Variants in BTG4 observed in about 807,000 individuals in gnomAD.
BTG4 encodes BTG anti-proliferation factor 4.
BTG4 carries 10 observed loss-of-function variants against 19.3 expected under a neutral mutation model. The ratio of observed to expected loss-of-function variants is 0.52; its 90% CI spans 0.32 to 0.88. BTG4 has a LOEUF of 0.88. Among genes scored for constraint, BTG4 ranks in the 40% least tolerant of loss-of-function variants. The pLI is 0.04. For missense variants in BTG4, 238 were observed against 281.9 expected (o/e 0.84, Z 1.11); for synonymous variants, 91 against 95.7 (o/e 0.95, Z 0.29).
chr11:111,499,473 C>T (rs1865936640), intron 1 of BTG4, among the ~76,000 whole-genome samples: 1 of 152,172 alleles, frequency 6.6e-6, no homozygotes, highest in Non-Finnish European at 1.5e-5. Context: ...TGCTCCTTGG[C>T]ATAAGTGGAG....
At chr11:111,441,780 C>T in the BTG4 span, among the ~76,000 whole-genome samples, 2,191 of 152,264 alleles carry the variant, frequency 0.014, 41 homozygotes, top group African/African-American at 0.043. Flanking sequence ...CGAGTTGGGC[C>T]GGGCATGGTG....
At chr11:111,433,508 A>G in the BTG4 span, among the ~76,000 whole-genome samples, 1 of 152,228 alleles carries the variant, frequency 6.6e-6, no homozygotes, top group Admixed American at 6.5e-5. Context: ...AGACTTCATG[A>G]CTAAAACACC....
downstream of BTG4, chr11:111,464,537 A>T (rs1294370042): frequency 6.6e-6 from 1 of 152,188 alleles, no homozygotes; most frequent in Non-Finnish European, 1.5e-5. Context: ...TAACTATTTT[A>T]TTCCCCTCTG....
chr11:111,482,511 A>G (rs899143219), intron 5 of BTG4, among the ~76,000 whole-genome samples: 15 of 152,308 alleles, frequency 9.8e-5, no homozygotes, highest in African/African-American at 3.1e-4. Flanking sequence ...TAATTTTTAG[A>G]AAGAATAAAG....
intron 1 of BTG4, among the ~76,000 whole-genome samples, chr11:111,500,009 G>A (rs1865969891): frequency 6.6e-6 from 1 of 152,032 alleles, no homozygotes; most frequent in African/African-American, 2.4e-5. Flanking sequence ...AGGCATGGTG[G>A]CATGTACCTG....
intron 5 of BTG4, among the ~76,000 whole-genome samples, chr11:111,478,489 A>T (rs1345358104): frequency 6.6e-6 from 1 of 152,178 alleles, no homozygotes; most frequent in East Asian, 1.9e-4. Context: ...AGAAAGATAA[A>T]CAAAGAGTGA....
the BTG4 span, among the ~76,000 whole-genome samples, chr11:111,437,749 C>A: frequency 6.6e-6 from 1 of 152,224 alleles, no homozygotes; most frequent in East Asian, 1.9e-4. Context: ...AGGCGACACT[C>A]TGCAGTTTCC....
intron 5 of BTG4, among the ~76,000 whole-genome samples, chr11:111,476,714 A>C (rs1287685863): frequency 6.6e-6 from 1 of 152,160 alleles, no homozygotes; most frequent in African/African-American, 2.4e-5. Context: ...AAATGGTAAA[A>C]TAGTCATTGC....
chr11:111,456,365 C>G, the BTG4 span: 2 of 382,600 alleles, frequency 5.2e-6, no homozygotes, highest in East Asian at 1.5e-4. The surrounding 1 kb of genome is among the most constrained non-coding windows in gnomAD (Gnocchi z 4.2). Context: ...AAGATGAGAC[C>G]CCTGCCCCCT....
intron 5 of BTG4, among the ~76,000 whole-genome samples, chr11:111,482,608 A>AAGAACAC (rs1351902710): frequency 2.0e-5 from 3 of 152,186 alleles, no homozygotes; most frequent in Non-Finnish European, 4.4e-5. Context: ...CACACAGGCC[A>AAGAACAC]AGAACACAGA....
chr11:111,399,629 T>C, the BTG4 span, among the ~76,000 whole-genome samples: 1 of 152,224 alleles, frequency 6.6e-6, no homozygotes. Context: ...TAAGACCTAC[T>C]TGCTTAGTCC....
At chr11:111,514,636 CCCCA>C (rs1228779555), upstream of BTG4, 1 of 638,400 alleles carries the variant, frequency 1.6e-6, no homozygotes, top group African/African-American at 1.8e-5. Flanking sequence ...TTCCGACGGC[CCCCA>C]CGCGCGTGGC....
chr11:111,456,899 A>G, the BTG4 span, among the ~76,000 whole-genome samples: 1 of 152,068 alleles, frequency 6.6e-6, no homozygotes, highest in East Asian at 1.9e-4. The surrounding 1 kb of genome is among the most constrained non-coding windows in gnomAD (Gnocchi z 4.2). Flanking sequence ...AGAGTAGTAA[A>G]TACTTCCTTC....
chr11:111,401,202 TG>T, the BTG4 span, among the ~76,000 whole-genome samples: 2 of 151,964 alleles, frequency 1.3e-5, no homozygotes, highest in Non-Finnish European at 2.9e-5. Context: ...TAAAGAAAGC[TG>T]GGGCCAGGCG....
At chr11:111,462,597 C>T (rs530990398), downstream of BTG4, among the ~76,000 whole-genome samples, 3 of 152,328 alleles carry the variant, frequency 2.0e-5, no homozygotes, top group African/African-American at 4.8e-5. Context: ...CCCCTGACTC[C>T]GATAATCTAT....
chr11:111,427,819 C>T, the BTG4 span, among the ~76,000 whole-genome samples: 1 of 152,164 alleles, frequency 6.6e-6, no homozygotes, highest in Non-Finnish European at 1.5e-5. Flanking sequence ...ACTTTCTGCA[C>T]AGGCATTTGC....
intron 1 of BTG4, among the ~76,000 whole-genome samples, chr11:111,501,979 A>C (rs879319761): frequency 6.6e-6 from 1 of 152,202 alleles, no homozygotes; most frequent in Non-Finnish European, 1.5e-5. Flanking sequence ...GGACCTTAAT[A>C]ATCTTCCAAA....
chr11:111,494,068 C>G (rs1225535801), downstream of BTG4, among the ~76,000 whole-genome samples: 1 of 152,116 alleles, frequency 6.6e-6, no homozygotes, highest in African/African-American at 2.4e-5. Context: ...ACAGCAGAAA[C>G]TCAGCAAGAA....
At chr11:111,505,129 T>C (rs1020669987) in intron 1 of BTG4, among the ~76,000 whole-genome samples, 2 of 151,880 alleles carry the variant, frequency 1.3e-5, no homozygotes, top group African/African-American at 2.4e-5. Flanking sequence ...CTAAAGTTCA[T>C]AGGGAACCAA....
Sources: gnomAD v4.1 joint callset for allele counts (sites outside exome capture counted in the v4.1 genomes callset) on GRCh38, gnomAD v4.1.1 for gene constraint, Gnocchi (gnomAD v3.1) non-coding constraint, MANE v1.5 for transcripts, NCBI Gene and HGNC (gene_info 2026-07-23, HGNC 2026-07-21) for gene names.